SPPL2A: variants seen among roughly 807,000 people sequenced by gnomAD.
SPPL2A encodes signal peptide peptidase like 2A.
Under a neutral mutation model 63.8 loss-of-function variants are expected in SPPL2A, and 51 were observed. The ratio of observed to expected loss-of-function variants is 0.80; its 90% CI spans 0.64 to 1.01. The LOEUF (loss-of-function observed/expected upper bound fraction) is 1.01, where lower values mean the gene tolerates loss of function less well. Among genes scored for constraint, SPPL2A ranks in the 50% least tolerant of loss-of-function variants. SPPL2A has a pLI of 0.00. For synonymous variants in SPPL2A, 188 were observed against 205.8 expected (o/e 0.91, Z 0.74); for missense variants, 553 against 622.7 (o/e 0.89, Z 1.19).
intron 14 of SPPL2A, among the ~76,000 whole-genome samples, chr15:50,710,899 T>C (rs1408654649): frequency 6.6e-6 from 1 of 152,206 alleles, no homozygotes; most frequent in Admixed American, 6.5e-5. Context: ...CCATTGGATA[T>C]TGCTGCACAA....
intron 1 of SPPL2A, among the ~76,000 whole-genome samples, chr15:50,755,788 G>C (rs2062952772): frequency 6.6e-6 from 1 of 151,980 alleles, no homozygotes. Flanking sequence ...CACTGCTATA[G>C]GAGCAGTGCT....
chr15:50,726,266 A>G (rs2062686955), intron 11 of SPPL2A, 55 bp downstream of exon 11: 3 of 1,570,740 alleles, frequency 1.9e-6, no homozygotes, highest in Non-Finnish European at 1.8e-6. Context: ...CAAATTATTA[A>G]CCGGATACAC....
At position 50,730,983 on chromosome 15, in the gene SPPL2A, T is replaced by C. The variant is rs746618778; in HGVS notation, c.1071A>G (p.Ile357Met). The C allele has an allele frequency of 8.3e-6, 12 of 1,440,676 alleles. No homozygotes were observed. Among genetic ancestry groups the C allele is most frequent in the Middle Eastern group, 3.5e-4 (2 of 5,698 alleles). 89.2% of individuals were successfully genotyped at this position (1,440,676 alleles called of 1,614,324 possible). The change falls in exon 10 of 15, where the codon ATA becomes ATG. Residue 357 changes from isoleucine to methionine, a missense_variant. Coordinates refer to ENST00000261854, the MANE Select transcript of SPPL2A (RefSeq NM_032802.4). ...GTCATACCTTTGTGATGAATGGTGT[T>C]ATGAAAACAAAAAATACATCATAGA... Reference protein sequence around the residue: ...LLLYDVFFVFITPFITKNGES... With the variant: ...LLLYDVFFVFMTPFITKNGES...
chr15:50,735,200 C>A (rs2062760410), intron 8 of SPPL2A, among the ~76,000 whole-genome samples: 1 of 152,122 alleles, frequency 6.6e-6, no homozygotes, highest in African/African-American at 2.4e-5. Context: ...GCCACCATGC[C>A]CGGCAAGTAT....
At chr15:50,720,815 G>A (rs1423335636) in intron 13 of SPPL2A, among the ~76,000 whole-genome samples, 3 of 151,748 alleles carry the variant, frequency 2.0e-5, no homozygotes, top group Non-Finnish European at 2.9e-5. Flanking sequence ...CACCGCGCCC[G>A]GCCTGAACTT....
chr15:50,707,797 A>T lies in SPPL2A; in HGVS notation c.*3T>A. ...TGACACATTATAGCAGTTCCACATA[A>T]TATTATTGCTGGACAATCTGTTCAC... On this transcript the variant is annotated 3_prime_UTR_variant, in exon 15 of 15. Coordinates refer to ENST00000261854, the MANE Select transcript of SPPL2A (RefSeq NM_032802.4). 1 of 1,478,566 alleles carries T rather than the reference A, an allele frequency of 6.8e-7. No homozygotes were observed. The highest frequency in any genetic ancestry group is 9.5e-7 in the Non-Finnish European group (1 of 1,057,268). 91.6% of individuals were successfully genotyped at this position (1,478,566 alleles called of 1,614,324 possible).
rs766971764 is a variant in SPPL2A, at chr15:50,749,762, T to C, written c.67-16A>G. ...GAGCGGCTGTCTAGGAGACAAACAA[T>C]AACTTTCAAACTTGCAATGTTATGG... is the stretch of plus-strand genomic sequence containing the variant. On this transcript the variant is annotated splice_polypyrimidine_tract_variant and intron_variant, in intron 1 of 14. Coordinates refer to ENST00000261854, the MANE Select transcript of SPPL2A (RefSeq NM_032802.4). The C allele has an allele frequency of 1.1e-5, 17 of 1,524,522 alleles. No individual in the cohort carries two copies. The highest frequency in any genetic ancestry group is 1.5e-5 in the Non-Finnish European group (17 of 1,098,512). 94.4% of individuals were successfully genotyped at this position (1,524,522 alleles called of 1,614,324 possible).
intron 1 of SPPL2A, among the ~76,000 whole-genome samples, chr15:50,757,374 G>A (rs1489862716): frequency 1.3e-5 from 2 of 152,180 alleles, no homozygotes; most frequent in East Asian, 1.9e-4. Flanking sequence ...GAGCCACCAC[G>A]CCCGGCCCTA....
intron 1 of SPPL2A, among the ~76,000 whole-genome samples, chr15:50,762,827 G>C (rs11852701): frequency 0.25 from 37,867 of 150,782 alleles, 5,731 homozygotes; most frequent in East Asian, 0.55. Context: ...CTGCCTCCCG[G>C]GTTCAAGCAA....
intron 14 of SPPL2A, among the ~76,000 whole-genome samples, chr15:50,717,227 T>C (rs12899943): frequency 0.096 from 14,585 of 152,190 alleles, 786 homozygotes; most frequent in South Asian, 0.15. Context: ...CCGGGCTGAG[T>C]GCAGTGGTGC....
chr15:50,720,185 C>G (rs1182733841), intron 13 of SPPL2A, 85 bp from the exon 14 acceptor site: 11 of 1,056,824 alleles, frequency 1.0e-5, no homozygotes, highest in Non-Finnish European at 1.5e-5. Context: ...TACTGGTTTT[C>G]AAACATTTCT....
At chr15:50,708,207 A>C (rs2062527185) in intron 14 of SPPL2A, among the ~76,000 whole-genome samples, 1 of 152,210 alleles carries the variant, frequency 6.6e-6, no homozygotes, top group Non-Finnish European at 1.5e-5. Flanking sequence ...ATTCCAGGAC[A>C]CTATTCCAGG....
At chr15:50,719,914 T>C (rs1173617188) in intron 14 of SPPL2A, 26 bp downstream of exon 14, 1 of 1,571,670 alleles carries the variant, frequency 6.4e-7, no homozygotes, top group Non-Finnish European at 8.7e-7. Flanking sequence ...ATAAGATAAC[T>C]TGGTAACCAA....
chr15:50,725,700 G>A (rs1016110983), intron 11 of SPPL2A, among the ~76,000 whole-genome samples: 5 of 152,130 alleles, frequency 3.3e-5, no homozygotes, highest in African/African-American at 1.2e-4. Flanking sequence ...CAAAGTGCTG[G>A]TATTACAGGC....
At chr15:50,725,508 G>GCAACTA (rs2062679986) in intron 11 of SPPL2A, 185 bp from the exon 12 acceptor site, 3 of 428,170 alleles carry the variant, frequency 7.0e-6, no homozygotes, top group Non-Finnish European at 8.3e-6. Context: ...AACTGCAACT[G>GCAACTA]CAACCTCCGC....
rs548537436 is a variant in SPPL2A, at chr15:50,726,090, A to G, written c.1146+231T>C. 4 of 1,498,692 alleles carry G rather than the reference A, an allele frequency of 2.7e-6. No homozygotes were observed. The South Asian group carries it at 4.8e-5, about 18-fold the overall frequency. 92.8% of individuals were successfully genotyped at this position (1,498,692 alleles called of 1,614,324 possible). ...ATCCTTACTTTCTCATGGGGAGCTG[A>G]GGGTTGACCAGTGGCTTCCACCAAG... On this transcript the variant is annotated intron_variant, in intron 11 of 14. Transcript: ENST00000261854.
chr15:50,758,760 T>C (rs1405322607), intron 1 of SPPL2A, among the ~76,000 whole-genome samples: 2 of 147,008 alleles, frequency 1.4e-5, no homozygotes, highest in Non-Finnish European at 3.1e-5. Flanking sequence ...CTAAAAACAA[T>C]CAACTTAAAA....
chr15:50,741,057 T>C (rs952981965), intron 5 of SPPL2A, among the ~76,000 whole-genome samples: 1 of 152,168 alleles, frequency 6.6e-6, no homozygotes, highest in African/African-American at 2.4e-5. Context: ...AACGAAATAT[T>C]GTATCAACCC....
At chr15:50,752,705 AAGACTCCATC>A (rs925787109) in intron 1 of SPPL2A, among the ~76,000 whole-genome samples, 14 of 151,766 alleles carry the variant, frequency 9.2e-5, no homozygotes, top group African/African-American at 3.4e-4. Context: ...GCAACAGAGC[AAGACTCCATC>A]TGAAAAAAAA....
Sources: allele counts gnomAD v4.1 joint callset (sites outside exome capture counted in the v4.1 genomes callset), GRCh38; gene constraint gnomAD v4.1.1; transcripts MANE v1.5; gene names NCBI Gene and HGNC (gene_info 2026-07-23, HGNC 2026-07-21).